Variants in CHRDL1 observed in about 807,000 individuals in gnomAD.
CHRDL1 encodes chordin like 1.
In CHRDL1, 19 loss-of-function variants were observed where a neutral mutation model predicts 40.9. The observed-to-expected ratio is 0.46, with a 90% CI of 0.32 to 0.68. The LOEUF is 0.68. CHRDL1 is among the 30% of genes least tolerant of loss of function. CHRDL1 has a pLI of 0.03. For missense variants in CHRDL1, 329 were observed against 352.1 expected (o/e 0.93, Z 0.53); for synonymous variants, 136 against 123.4 (o/e 1.10, Z -0.68).
chrX:110,721,593 C>A, intron 4 of CHRDL1, 63 bp from the exon 5 acceptor site: 1 of 980,990 alleles, frequency 1.0e-6, no homozygotes, highest in Non-Finnish European at 1.5e-6. Flanking sequence ...TTTCATAAAT[C>A]CCAACAGCAG....
chrX:110,794,665 A>G (rs777092504), intron 1 of CHRDL1, among the ~76,000 whole-genome samples: 1 of 112,568 alleles, frequency 8.9e-6, no homozygotes, highest in Admixed American at 9.3e-5. Flanking sequence ...TGGGCCATCA[A>G]GTGTCAGGAG....
At chrX:110,720,202 G>A (rs1248280214) in intron 5 of CHRDL1, among the ~76,000 whole-genome samples, 3 of 111,579 alleles carry the variant, frequency 2.7e-5, no homozygotes, top group Non-Finnish European at 5.6e-5. Context: ...GGGATGCCAT[G>A]AGCCTCTGAA....
intron 3 of CHRDL1, 76 bp downstream of exon 3, chrX:110,762,619 T>G: frequency 1.7e-6 from 1 of 581,483 alleles, no homozygotes; most frequent in Non-Finnish European, 2.9e-6. Flanking sequence ...CCATGGTCCC[T>G]GGCCATTTGG....
intron 8 of CHRDL1, among the ~76,000 whole-genome samples, chrX:110,690,777 C>T (rs958480415): frequency 4.5e-5 from 5 of 111,849 alleles, no homozygotes; most frequent in African/African-American, 1.6e-4. Flanking sequence ...GCAATTTCCT[C>T]AGTCTCCCAC....
intron 2 of CHRDL1, among the ~76,000 whole-genome samples, chrX:110,763,780 G>A (rs1273980243): frequency 9.0e-6 from 1 of 111,380 alleles, no homozygotes; most frequent in Non-Finnish European, 1.9e-5. Context: ...GGATCAAATG[G>A]TAGTTCTACT....
intron 4 of CHRDL1, among the ~76,000 whole-genome samples, chrX:110,736,193 GA>G (rs2071260759): frequency 8.9e-6 from 1 of 112,131 alleles, no homozygotes; most frequent in African/African-American, 3.2e-5. Context: ...TAGAGGAAAA[GA>G]CAAAGTATCA....
chrX:110,702,258 G>T (rs967289535), intron 6 of CHRDL1, among the ~76,000 whole-genome samples: 1 of 111,385 alleles, frequency 9.0e-6, no homozygotes, highest in Non-Finnish European at 1.9e-5. Context: ...TGTAGCTCAT[G>T]TTATTCTTCT....
rs776403786 is a variant in CHRDL1 at position 110,681,594 on chromosome X, C to A, written c.1044G>T (p.Thr348=). 1 of 1,205,026 alleles carries A rather than the reference C, an allele frequency of 8.3e-7. No individual in the cohort carries two copies. The highest frequency in any genetic ancestry group is 3.0e-5 in the East Asian group (1 of 33,731). Residue 348 remains threonine, a synonymous_variant, in exon 10 of 12, where the codon ACG becomes ACT. Coordinates refer to ENST00000372042, the MANE Select transcript of CHRDL1 (RefSeq NM_001143981.2). Reference sequence around the variant, plus strand: ...TGAATACAGACTCATACACAGGCATCGTTTCTTCCCCGCAGAAGTAGCCTT... The same window carrying A: ...TGAATACAGACTCATACACAGGCATAGTTTCTTCCCCGCAGAAGTAGCCTT... ...DNKGYFCGEE[T]MPVYESVFME...
intron 7 of CHRDL1, among the ~76,000 whole-genome samples, chrX:110,696,359 T>C (rs763415637): frequency 9.0e-6 from 1 of 110,956 alleles, no homozygotes; most frequent in East Asian, 2.9e-4. Flanking sequence ...ACAGGCCCTA[T>C]TGTAGACCAG....
intron 9 of CHRDL1, among the ~76,000 whole-genome samples, chrX:110,684,016 G>A (rs773265923): frequency 7.2e-5 from 8 of 111,476 alleles, no homozygotes; most frequent in Non-Finnish European, 1.3e-4. Context: ...TGCTGGCTCT[G>A]GATCTTTTCT....
At chrX:110,685,370 C>G (rs1277848731) in intron 9 of CHRDL1, among the ~76,000 whole-genome samples, 1 of 111,692 alleles carries the variant, frequency 9.0e-6, no homozygotes, top group African/African-American at 3.3e-5. Flanking sequence ...CATCCTCCCA[C>G]CTCAGCCTCC....
chrX:110,677,277 A>T (rs2069797860), intron 11 of CHRDL1, among the ~76,000 whole-genome samples: 1 of 111,417 alleles, frequency 9.0e-6, no homozygotes, highest in Non-Finnish European at 1.9e-5. Flanking sequence ...CTCAATGGGA[A>T]GATAGAAGGA....
chrX:110,793,417 T>G (rs778334570), intron 1 of CHRDL1, among the ~76,000 whole-genome samples: 119 of 111,690 alleles, frequency 1.1e-3, no homozygotes, highest in Non-Finnish European at 1.3e-3. Context: ...CCGTCTGCCT[T>G]CCTTCTTTAC....
chrX:110,753,588 T>C (rs1465981387), intron 4 of CHRDL1, among the ~76,000 whole-genome samples: 1 of 111,618 alleles, frequency 9.0e-6, no homozygotes, highest in Non-Finnish European at 1.9e-5. Context: ...AATAAATAAA[T>C]CTCTCTTTTG....
chrX:110,685,691 T>G (rs2069996003), intron 9 of CHRDL1, among the ~76,000 whole-genome samples: 1 of 111,688 alleles, frequency 9.0e-6, no homozygotes, highest in Non-Finnish European at 1.9e-5. Context: ...ATAATGAGTT[T>G]TAATGGCTAT....
intron 2 of CHRDL1, among the ~76,000 whole-genome samples, chrX:110,783,611 TA>T (rs1484498548): frequency 6.2e-5 from 7 of 112,135 alleles, no homozygotes; most frequent in Non-Finnish European, 1.3e-4. Flanking sequence ...TACTGCTAAC[TA>T]ATGGTGTCTG....
At chrX:110,778,913 G>A (rs1240699183) in intron 2 of CHRDL1, among the ~76,000 whole-genome samples, 1 of 111,608 alleles carries the variant, frequency 9.0e-6, no homozygotes, top group Admixed American at 9.5e-5. Flanking sequence ...AATACTATGC[G>A]GCTATAAAAA....
At chrX:110,690,049 A>C (rs1352704607) in intron 8 of CHRDL1, among the ~76,000 whole-genome samples, 2 of 63,863 alleles carry the variant, frequency 3.1e-5, no homozygotes, top group Non-Finnish European at 5.5e-5. Context: ...CTATATATAT[A>C]TATATTTTTT....
At chrX:110,689,074 A>ATG (rs1295308270) in intron 8 of CHRDL1, among the ~76,000 whole-genome samples, 1 of 2,258 alleles carries the variant, frequency 4.4e-4, no homozygotes, top group Admixed American at 3.6e-3. Context: ...ATATATATGT[A>ATG]TATATATATA....
Sources: allele counts gnomAD v4.1 joint callset (sites outside exome capture counted in the v4.1 genomes callset), GRCh38; gene constraint gnomAD v4.1.1; transcripts MANE v1.5; gene names NCBI Gene and HGNC (gene_info 2026-07-23, HGNC 2026-07-21).